Variants in TLN2 observed in about 807,000 individuals in gnomAD.
The protein encoded by TLN2 is talin-2.
Under a neutral mutation model 294.7 loss-of-function variants are expected in TLN2, and 118 were observed. The observed-to-expected ratio is 0.40, with a 90% CI of 0.34 to 0.47. The LOEUF is 0.47. Among genes scored for constraint, TLN2 ranks in the 20% least tolerant of loss-of-function variants. The pLI, the probability that TLN2 is intolerant of heterozygous loss-of-function variation, is 0.84. For synonymous variants in TLN2, 1,431 were observed against 1,304.5 expected (o/e 1.10, Z -2.09); for missense variants, 3,083 against 3,282.2 (o/e 0.94, Z 1.48).
At chr15:62,698,185 G>C (rs2058484479) in intron 15 of TLN2, among the ~76,000 whole-genome samples, 1 of 152,166 alleles carries the variant, frequency 6.6e-6, no homozygotes, top group African/African-American at 2.4e-5. Flanking sequence ...AAGTCGACCA[G>C]GTTTTTAGTG....
rs1213742110 is a variant in TLN2 at position 62,580,844 on chromosome 15, T to C, written c.-237-8843T>C. On this transcript the variant is annotated intron_variant, in intron 1 of 58. Transcript: ENST00000636159. ...CAGTGCTGCTTATTTTTTCCTGCCTTCGCCCCGCCCCCTGACCCCTGGCAA... is the reference window on the plus strand; with the variant it reads ...CAGTGCTGCTTATTTTTTCCTGCCTCCGCCCCGCCCCCTGACCCCTGGCAA... Among the ~76,000 whole-genome samples the C allele has an allele frequency of 4.5e-3, 345 of 77,252 alleles. 6 individuals carry two copies. Among genetic ancestry groups the C allele is most frequent in the Admixed American group, 0.043 (308 of 7,134 alleles). 50.7% of individuals were successfully genotyped at this position (77,252 alleles called of 152,430 possible).
chr15:62,825,868 T>TCATA (rs1555522174), intron 54 of TLN2, among the ~76,000 whole-genome samples: 1 of 85,524 alleles, frequency 1.2e-5, no homozygotes, highest in Non-Finnish European at 2.1e-5. Context: ...ATATATATAT[T>TCATA]TATATATATA....
At chr15:62,640,685 T>C (rs527417028) in intron 3 of TLN2, among the ~76,000 whole-genome samples, 1 of 152,322 alleles carries the variant, frequency 6.6e-6, no homozygotes, top group Admixed American at 6.5e-5. Context: ...AGTTAGCTGC[T>C]TCGCACACAC....
At chr15:62,626,330 A>G (rs2049279914) in intron 3 of TLN2, among the ~76,000 whole-genome samples, 1 of 152,164 alleles carries the variant, frequency 6.6e-6, no homozygotes, top group African/African-American at 2.4e-5. Context: ...AACCAAAAGT[A>G]GGTATTTCAG....
At chr15:62,658,482 T>C (rs149871000) in intron 9 of TLN2, among the ~76,000 whole-genome samples, 1 of 152,272 alleles carries the variant, frequency 6.6e-6, no homozygotes, top group African/African-American at 2.4e-5. Context: ...GCCTGGCCAA[T>C]ATGCTGTTTG....
At chr15:62,421,274 G>A (rs1431861969) in intron 1 of TLN2, among the ~76,000 whole-genome samples, 1 of 152,140 alleles carries the variant, frequency 6.6e-6, no homozygotes, top group African/African-American at 2.4e-5. Flanking sequence ...GGCCTCAGGA[G>A]ATCTGCCCGC....
intron 53 of TLN2, 38 bp from the exon 54 acceptor site, chr15:62,820,448 C>A: frequency 6.2e-7 from 1 of 1,608,812 alleles, no homozygotes; most frequent in Non-Finnish European, 8.5e-7. Context: ...CTGAGGTCTG[C>A]AGCTATGAAG....
intron 32 of TLN2, among the ~76,000 whole-genome samples, chr15:62,741,748 C>CGTGCGCGCGCGTGTGTGTGTGT (rs1555495652): frequency 1.5e-5 from 2 of 131,072 alleles, no homozygotes; most frequent in Admixed American, 1.6e-4. Flanking sequence ...AAAATTTGCG[C>CGTGCGCGCGCGTGTGTGTGTGT]GTGTGTGTGT....
chr15:62,813,145 A>G lies in TLN2; in HGVS notation c.6771+3113A>G, dbSNP rs147348238. 3.9e-3 allele frequency among the ~76,000 whole-genome samples: 591 copies of G among 152,300 alleles called. 3 individuals carry two copies. The highest frequency in any genetic ancestry group is 0.012 in the African/African-American group (515 of 41,554). The stretch of plus-strand genomic sequence containing the variant: ...AGAACAGATTGCACTTTGTGGCCAG[A>G]CGTGCTTCTCTGGTGACCATTGACA... On this transcript the variant is annotated intron_variant, in intron 52 of 58. Coordinates refer to ENST00000636159, the MANE Select transcript of TLN2 (RefSeq NM_015059.3).
intron 45 of TLN2, among the ~76,000 whole-genome samples, chr15:62,785,759 CTA>C (rs1016047232): frequency 6.6e-6 from 1 of 151,888 alleles, no homozygotes; most frequent in Non-Finnish European, 1.5e-5. Context: ...GGTAGTTTAA[CTA>C]CTGTCTCCCT....
rs1247263700 is a variant in TLN2 at position 62,825,725 on chromosome 15, TAA to T, written c.7002+5119_7002+5120del. The stretch of plus-strand genomic sequence containing the variant: ...ATATATATATAAATATAAATATATA[TAA>T]AAATATATTTTTATATATATTAAAT... On this transcript the variant is annotated intron_variant, in intron 54 of 58. Transcript: ENST00000636159. Among the ~76,000 whole-genome samples, 16 of 119,504 alleles carry T rather than the reference TAA, an allele frequency of 1.3e-4. 1 individual carries two copies. Among genetic ancestry groups the T allele is most frequent in the East Asian group, 4.1e-4 (2 of 4,864 alleles). The allele number at this position is 119,504 out of a possible 152,430, so 78.4% of individuals were successfully genotyped here. A position where few individuals can be genotyped will look rare whatever the true frequency, so the allele number is the denominator to read the frequency against.
chr15:62,534,984 G>T (rs2041255948), intron 1 of TLN2, among the ~76,000 whole-genome samples: 1 of 152,300 alleles, frequency 6.6e-6, no homozygotes, highest in South Asian at 2.1e-4. Context: ...CTGCAGCTCT[G>T]GGCCTTTGCT....
chr15:62,462,048 C>A (rs2036837019), intron 1 of TLN2, among the ~76,000 whole-genome samples: 1 of 152,056 alleles, frequency 6.6e-6, no homozygotes, highest in Admixed American at 6.5e-5. Flanking sequence ...TGGTGAAACC[C>A]CGTCTCTACT....
chr15:62,785,033 A>G (rs528462682), intron 45 of TLN2, among the ~76,000 whole-genome samples: 2 of 152,360 alleles, frequency 1.3e-5, no homozygotes, highest in African/African-American at 4.8e-5. Context: ...TAGGAGTACC[A>G]TATATGTATG....
At chr15:62,430,271 G>A (rs766532399) in intron 1 of TLN2, among the ~76,000 whole-genome samples, 33 of 152,134 alleles carry the variant, frequency 2.2e-4, no homozygotes, top group Non-Finnish European at 1.3e-4. Flanking sequence ...ACTGTTTTGT[G>A]TCTTAAGTGG....
chr15:62,503,939 C>T (rs986299121), intron 1 of TLN2, among the ~76,000 whole-genome samples: 6 of 152,018 alleles, frequency 3.9e-5, no homozygotes, highest in Non-Finnish European at 8.8e-5. Context: ...TGGAATCTCA[C>T]GTAGAAAAAA....
At chr15:62,710,222 C>G (rs1052780241) in intron 21 of TLN2, among the ~76,000 whole-genome samples, 9 of 152,154 alleles carry the variant, frequency 5.9e-5, no homozygotes, top group African/African-American at 2.2e-4. Flanking sequence ...ACTTTTCCTA[C>G]GTAGGGTAAA....
chr15:62,752,515 A>C, intron 35 of TLN2, 88 bp downstream of exon 35: 1 of 1,541,442 alleles, frequency 6.5e-7, no homozygotes, highest in Non-Finnish European at 8.8e-7. Flanking sequence ...CTCTTTCTCC[A>C]AGTACCACCA....
intron 32 of TLN2, 107 bp from the exon 33 acceptor site, chr15:62,748,244 G>C: frequency 1.2e-6 from 1 of 842,404 alleles, no homozygotes; most frequent in Non-Finnish European, 1.9e-6. Context: ...CTGGGGACCC[G>C]AGCTGAAATA....
Sources: allele counts gnomAD v4.1 joint callset (sites outside exome capture counted in the v4.1 genomes callset), GRCh38; gene constraint gnomAD v4.1.1; transcripts MANE v1.5; gene names NCBI Gene and HGNC (gene_info 2026-07-23, HGNC 2026-07-21).